The following RASA3 variants were observed in gnomAD, a reference collection of about 807,000 sequenced individuals.
RASA3 encodes the protein RAS p21 protein activator 3.
Under a neutral mutation model 110.0 loss-of-function variants are expected in RASA3, and 73 were observed. That is an observed-to-expected ratio of 0.66 (90% CI 0.55 to 0.81). RASA3 has a LOEUF of 0.81. Ranked by LOEUF, RASA3 falls within the 30% of genes least tolerant of loss-of-function variation. The probability of loss-of-function intolerance (pLI) is 0.00; values close to 1 mark genes in which losing one functional copy is unlikely to be tolerated. For missense variants in RASA3, 976 were observed against 1,113.2 expected (o/e 0.88, Z 1.75); for synonymous variants, 500 against 451.4 (o/e 1.11, Z -1.37).
chr13:114,032,860 C>A (rs1404250724), intron 4 of RASA3, among the ~76,000 whole-genome samples: 1 of 108,544 alleles, frequency 9.2e-6, no homozygotes. Context: ...CGTTCCACGG[C>A]ACCCCCACAC....
chr13:114,098,298 C>G (rs2139724720), intron 1 of RASA3, among the ~76,000 whole-genome samples: 1 of 152,318 alleles, frequency 6.6e-6, no homozygotes, highest in South Asian at 2.1e-4. Context: ...GCTGAGAGGA[C>G]AGAGAACAGG....
Position 114,099,014 on chromosome 13 carries a change from C to CACCCCTCCTTTTCTCAAGGTCAGA in RASA3, c.56-25178_56-25177insTCTGACCTTGAGAAAAGGAGGGGT, listed in dbSNP as rs1353662234. On this transcript the variant is annotated intron_variant, in intron 1 of 23. Transcript: ENST00000334062. ...GCCCGGCCACCCGAGCCCCCCAGAC[C>CACCCCTCCTTTTCTCAAGGTCAGA]ACAGCAGTCGGGGCCCGGCCACCCG... Among the ~76,000 whole-genome samples, 4 of 76,200 alleles carry CACCCCTCCTTTTCTCAAGGTCAGA rather than the reference C, an allele frequency of 5.2e-5. 1 individual carries two copies. Among genetic ancestry groups the CACCCCTCCTTTTCTCAAGGTCAGA allele is most frequent in the African/African-American group, 5.3e-5 (1 of 18,716 alleles). The allele number at this position is 76,200 out of a possible 152,430, so 50.0% of individuals were successfully genotyped here.
At chr13:114,067,656 T>G (rs1217725146) in intron 2 of RASA3, among the ~76,000 whole-genome samples, 4 of 152,184 alleles carry the variant, frequency 2.6e-5, no homozygotes, top group African/African-American at 9.7e-5. Context: ...TTGGGGGTGA[T>G]TTACATCTTG....
intron 1 of RASA3, among the ~76,000 whole-genome samples, chr13:114,100,232 C>A (rs1209899027): frequency 6.6e-6 from 1 of 151,852 alleles, no homozygotes; most frequent in Non-Finnish European, 1.5e-5. Flanking sequence ...GCTGAGGGCG[C>A]GCCGATGTGG....
intron 2 of RASA3, among the ~76,000 whole-genome samples, chr13:114,054,572 C>T (rs1176729567): frequency 1.3e-5 from 2 of 152,190 alleles, no homozygotes; most frequent in African/African-American, 4.8e-5. Context: ...TCACTGATTT[C>T]AGTATTTTTA....
intron 1 of RASA3, among the ~76,000 whole-genome samples, chr13:114,117,147 C>T (rs1594473729): frequency 2.7e-5 from 3 of 110,306 alleles, no homozygotes; most frequent in African/African-American, 3.7e-5. Context: ...GAGGAGAGCA[C>T]GTGTGTGAGG....
At chr13:114,017,798 G>A (rs1418752827) in intron 11 of RASA3, among the ~76,000 whole-genome samples, 1 of 152,196 alleles carries the variant, frequency 6.6e-6, no homozygotes, top group Non-Finnish European at 1.5e-5. Context: ...GAGGGAAGCT[G>A]TGCTCCATTT....
In RASA3 at chr13:113,979,108, G is replaced by C. The variant is rs931480590; in HGVS notation, c.*239C>G. On this transcript the variant is annotated 3_prime_UTR_variant, in exon 24 of 24. Transcript: ENST00000334062. ...ATCCCCAGATCCCCACAAACAAGGA[G>C]CAAAAAGCACAGAATCAAATGACGA... 2.8e-5 allele frequency: 15 copies of C among 543,618 alleles called. No homozygotes were observed. The African/African-American group carries it at 2.8e-4, about 10-fold the overall frequency. 33.7% of individuals were successfully genotyped at this position (543,618 alleles called of 1,614,324 possible).
At chr13:114,023,079 G>C (rs1171844298) in intron 8 of RASA3, among the ~76,000 whole-genome samples, 2 of 152,238 alleles carry the variant, frequency 1.3e-5, no homozygotes. Flanking sequence ...CCCAGCAGCC[G>C]TAGGGCCTGA....
intron 1 of RASA3, among the ~76,000 whole-genome samples, chr13:114,113,299 A>G (rs2080241555): frequency 6.6e-6 from 1 of 152,212 alleles, no homozygotes. Flanking sequence ...AGGGCCCTGC[A>G]CTTGGGCAGA....
intron 1 of RASA3, among the ~76,000 whole-genome samples, chr13:114,118,173 A>G (rs2080321723): frequency 6.6e-6 from 1 of 152,034 alleles, no homozygotes; most frequent in South Asian, 2.1e-4. Flanking sequence ...CCCTTACTCT[A>G]TAATAACTTG....
At chr13:114,037,073 G>A (rs964160537) in intron 4 of RASA3, among the ~76,000 whole-genome samples, 2 of 152,158 alleles carry the variant, frequency 1.3e-5, no homozygotes, top group African/African-American at 2.4e-5. Context: ...CTCATGTTCC[G>A]GACAGTGAGA....
chr13:114,019,805 C>A (rs2053880575), intron 9 of RASA3, among the ~76,000 whole-genome samples: 1 of 131,988 alleles, frequency 7.6e-6, no homozygotes, highest in Non-Finnish European at 1.6e-5. Flanking sequence ...GTGGGTGGAG[C>A]CTGTGTCCGA....
At chr13:114,037,247 G>C (rs547712566) in intron 4 of RASA3, among the ~76,000 whole-genome samples, 1 of 152,356 alleles carries the variant, frequency 6.6e-6, no homozygotes, top group African/African-American at 2.4e-5. Flanking sequence ...TATCTACCCT[G>C]TGATGAAGTT....
intron 1 of RASA3, among the ~76,000 whole-genome samples, chr13:114,079,959 A>G (rs2079755203): frequency 6.6e-6 from 1 of 152,156 alleles, no homozygotes; most frequent in South Asian, 2.1e-4. Flanking sequence ...TTGAGGACAC[A>G]GCATGACCCT....
intron 8 of RASA3, among the ~76,000 whole-genome samples, chr13:114,022,224 C>G (rs956442142): frequency 6.6e-6 from 1 of 152,204 alleles, no homozygotes; most frequent in Non-Finnish European, 1.5e-5. Context: ...ATGTCTAACA[C>G]AGCAGCGGCT....
chr13:114,066,926 C>T (rs1421484867), intron 2 of RASA3, among the ~76,000 whole-genome samples: 1 of 142,860 alleles, frequency 7.0e-6, no homozygotes, highest in Admixed American at 6.8e-5. Flanking sequence ...TGAGGATGGG[C>T]CCAACCTGGG....
At chr13:113,992,697 G>T in intron 21 of RASA3, 109 bp from the exon 22 acceptor site, 1 of 891,304 alleles carries the variant, frequency 1.1e-6, no homozygotes, top group Non-Finnish European at 1.8e-6. Context: ...CGATTGTGTT[G>T]GAAGTGAAAT....
chr13:114,079,608 T>C (rs2079748680), intron 1 of RASA3, among the ~76,000 whole-genome samples: 1 of 152,210 alleles, frequency 6.6e-6, no homozygotes, highest in African/African-American at 2.4e-5. Context: ...GGAACAGCGA[T>C]CCCAGCCCTG....
Sources: gnomAD v4.1 joint callset for allele counts (sites outside exome capture counted in the v4.1 genomes callset) on GRCh38, gnomAD v4.1.1 for gene constraint, MANE v1.5 for transcripts, NCBI Gene and HGNC (gene_info 2026-07-23, HGNC 2026-07-21) for gene names.